METTL16: variants seen among roughly 807,000 people sequenced by gnomAD.
METTL16 encodes the protein RNA N(6)-adenosine-methyltransferase METTL16.
A neutral mutation model predicts 57.9 loss-of-function variants in METTL16; 19 were observed. The observed-to-expected ratio is 0.33, with a 90% CI of 0.23 to 0.48. METTL16 has a LOEUF of 0.48. METTL16 is among the 20% of genes least tolerant of loss of function. METTL16 has a pLI of 0.99. For synonymous variants in METTL16, 246 were observed against 255.6 expected (o/e 0.96, Z 0.36); for missense variants, 434 against 691.5 (o/e 0.63, Z 4.18).
At chr17:2,454,465 C>T (rs1023644785) in intron 6 of METTL16, among the ~76,000 whole-genome samples, 2 of 151,524 alleles carry the variant, frequency 1.3e-5, no homozygotes, top group Non-Finnish European at 2.9e-5. Context: ...TCATAAATTT[C>T]GAATCTATAT....
At chr17:2,435,535 G>C (rs147673168) in intron 8 of METTL16, among the ~76,000 whole-genome samples, 3 of 152,308 alleles carry the variant, frequency 2.0e-5, no homozygotes, top group East Asian at 3.9e-4. Context: ...AGCAGTTGCC[G>C]ATCAAGGGCA....
chr17:2,477,487 G>A (rs1480037886), intron 3 of METTL16, 199 bp downstream of exon 3: 1 of 571,712 alleles, frequency 1.7e-6, no homozygotes, highest in African/African-American at 1.9e-5. Context: ...AACGCACATT[G>A]CCTTTGAGCA....
Position 2,420,200 on chromosome 17 carries a change from C to A in METTL16, c.1459G>T (p.Ala487Ser). 6.2e-7 allele frequency: 1 copy of A among 1,614,246 alleles called. No individual in the cohort carries two copies. The highest frequency in any genetic ancestry group is 8.5e-7 in the Non-Finnish European group (1 of 1,180,044). The change falls in exon 10 of 10, where the codon GCC becomes TCC. Residue 487 changes from alanine to serine, a missense_variant. By Grantham distance (99) the Ala-to-Ser change is moderately conservative. Transcript: ENST00000263092. This position sits in a 1 kb window ranked among gnomAD's most constrained non-coding sequence, Gnocchi z 5.4. ...LESCQGSSNG[A>S]QDQEASEQFG... ...TGCTCAGAAGCCTCTTGGTCCTGGG[C>A]TCCGTTGCTAGAGCCTTGACAACTT...
chr17:2,420,709 G>A lies in METTL16; in HGVS notation c.1062+22C>T, dbSNP rs747431641. ...AGAGAAGGATCATTATGAGTACTTCGTCAATATGGTTAAGCAGGTACCTTC... is the reference window on the plus strand; with the variant it reads ...AGAGAAGGATCATTATGAGTACTTCATCAATATGGTTAAGCAGGTACCTTC... On this transcript the variant is annotated intron_variant, in intron 9 of 9. Transcript: ENST00000263092. The surrounding 1 kb of genome is among the most constrained non-coding windows in gnomAD (Gnocchi z 5.4). The A allele has an allele frequency of 1.3e-5, 20 of 1,592,572 alleles. No homozygotes were observed. Among genetic ancestry groups the A allele is most frequent in the African/African-American group, 5.4e-5 (4 of 73,630 alleles).
chr17:2,437,644 T>A (rs945941057), intron 8 of METTL16, among the ~76,000 whole-genome samples: 1 of 152,126 alleles, frequency 6.6e-6, no homozygotes, highest in Non-Finnish European at 1.5e-5. Context: ...CTCCGCCTCC[T>A]GGGTTCAAGC....
At chr17:2,437,895 A>G (rs2066920379) in intron 8 of METTL16, among the ~76,000 whole-genome samples, 1 of 152,188 alleles carries the variant, frequency 6.6e-6, no homozygotes, top group Non-Finnish European at 1.5e-5. Context: ...CTGAGCAAAA[A>G]TCACTATGTT....
rs763329226 is a variant in METTL16 at position 2,497,507 on chromosome 17, C to T, written c.128+4697G>A. Among the ~76,000 whole-genome samples, 7 of 150,882 alleles carry T rather than the reference C, an allele frequency of 4.6e-5. 1 individual carries two copies. Among genetic ancestry groups the T allele is most frequent in the Non-Finnish European group, 7.4e-5 (5 of 67,918 alleles). On this transcript the variant is annotated intron_variant, in intron 2 of 9. Transcript: ENST00000263092. ...TTTGTACTTTTAGCAGAGAAGGGGT[C>T]TCTCCATGTTGCCCAGGATGATCTC...
intron 6 of METTL16, 53 bp downstream of exon 6, chr17:2,464,155 G>T: frequency 6.4e-7 from 1 of 1,559,536 alleles, no homozygotes; most frequent in East Asian, 2.3e-5. Context: ...TACATAGCGG[G>T]TAAATATTCC....
intron 7 of METTL16, 26 bp downstream of exon 7, chr17:2,441,464 C>G: frequency 6.5e-7 from 1 of 1,532,192 alleles, no homozygotes; most frequent in Non-Finnish European, 8.8e-7. Flanking sequence ...AGTAGCTACA[C>G]GAGAACAGTA....
At chr17:2,423,567 G>GAGAATCAGACTCCCCATTCC (rs1286716318) in intron 8 of METTL16, among the ~76,000 whole-genome samples, 1 of 152,072 alleles carries the variant, frequency 6.6e-6, no homozygotes, top group Non-Finnish European at 1.5e-5. Flanking sequence ...GATGGGGGTG[G>GAGAATCAGACTCCCCATTCC]AGAATCAGAC....
intron 2 of METTL16, among the ~76,000 whole-genome samples, chr17:2,499,331 CTT>C (rs1004416909): frequency 7.4e-4 from 95 of 127,520 alleles, no homozygotes; most frequent in Middle Eastern, 4.1e-3. Flanking sequence ...AAAACTATAT[CTT>C]TTTTTTTTTT....
chr17:2,498,243 C>T (rs1381455907), intron 2 of METTL16, among the ~76,000 whole-genome samples: 1 of 148,868 alleles, frequency 6.7e-6, no homozygotes, highest in Non-Finnish European at 1.5e-5. Context: ...GAAACCCCGT[C>T]TCTACTAAAA....
At chr17:2,426,120 T>A (rs181572859) in intron 8 of METTL16, among the ~76,000 whole-genome samples, 1 of 149,680 alleles carries the variant, frequency 6.7e-6, no homozygotes, top group Non-Finnish European at 1.5e-5. Context: ...TACAGAGAAA[T>A]CTGGTGCGCA....
rs574679231 is a variant in METTL16, at chr17:2,508,739, G to A, written c.-1+3020C>T. 3.3e-5 allele frequency among the ~76,000 whole-genome samples: 5 copies of A among 152,212 alleles called. No homozygotes were observed. In the South Asian group the frequency reaches 1.0e-3, roughly 32 times the overall value. Reference sequence around the variant, plus strand: ...CAAGCCACTCCCCCCATGCAAATGTGAACATTTCCTTATTAAATCCCTTCA... The same window carrying A: ...CAAGCCACTCCCCCCATGCAAATGTAAACATTTCCTTATTAAATCCCTTCA... On this transcript the variant is annotated intron_variant, in intron 1 of 9. Transcript: ENST00000263092.
chr17:2,484,355 C>A (rs1387401871), intron 2 of METTL16, among the ~76,000 whole-genome samples: 1 of 152,056 alleles, frequency 6.6e-6, no homozygotes, highest in Non-Finnish European at 1.5e-5. Flanking sequence ...GTGAGGTAAC[C>A]TAAACATACG....
At chr17:2,511,290 C>T (rs2067586103) in intron 1 of METTL16, among the ~76,000 whole-genome samples, 1 of 151,652 alleles carries the variant, frequency 6.6e-6, no homozygotes, top group Non-Finnish European at 1.5e-5. Flanking sequence ...CCCTCTTCAA[C>T]TACCACTCTC....
Position 2,464,334 on chromosome 17 carries a change from T to C in METTL16, c.602A>G (p.Asn201Ser). The change falls in exon 6 of 10, where the codon AAT (asparagine) becomes AGT (serine). Residue 201 changes from asparagine (N) to serine (S), a missense_variant. Asn to Ser is a conservative substitution (Grantham distance 46). Around this residue, in one of 5 missense-constraint regions of METTL16, gnomAD observed 118 missense variants for 280.0 expected, o/e 0.42. Coordinates refer to ENST00000263092, the MANE Select transcript of METTL16 (RefSeq NM_024086.4). ...QLEAKGVNSR[N>S]PRRPPPSSVN... ...AGAACTAGGCGGAGGTCTTCGAGGA[T>C]TTCGTGAGTTTACTCCCTGAAAAAC... 6.2e-7 allele frequency: 1 copy of C among 1,605,304 alleles called. No homozygotes were observed. Among genetic ancestry groups the C allele is most frequent in the Non-Finnish European group, 8.5e-7 (1 of 1,177,596 alleles).
intron 3 of METTL16, among the ~76,000 whole-genome samples, chr17:2,474,077 G>A (rs984358390): frequency 3.3e-5 from 5 of 151,838 alleles, no homozygotes; most frequent in Admixed American, 6.6e-5. Flanking sequence ...CTCCTCTTTC[G>A]TGTGTTGTAT....
At chr17:2,477,635 C>T (rs780358892) in intron 3 of METTL16, 51 bp downstream of exon 3, 4 of 1,392,784 alleles carry the variant, frequency 2.9e-6, no homozygotes, top group Non-Finnish European at 4.1e-6. Context: ...AATTTGATCT[C>T]GCAAAACTTA....
Sources: gnomAD v4.1 joint callset for allele counts (sites outside exome capture counted in the v4.1 genomes callset) on GRCh38, gnomAD v4.1.1 for gene constraint, gnomAD v4.1.1 regional missense constraint, Gnocchi (gnomAD v3.1) non-coding constraint, MANE v1.5 for transcripts, NCBI Gene and HGNC (gene_info 2026-07-23, HGNC 2026-07-21) for gene names.